NALF1: variants seen among roughly 807,000 people sequenced by gnomAD.
NALF1 encodes family with sequence similarity 155 member A.
NALF1 carries 3 observed loss-of-function variants against 48.4 expected under a neutral mutation model. That is an observed-to-expected ratio of 0.06 (90% confidence interval 0.03 to 0.16). NALF1 has a LOEUF of 0.16. Ranked by LOEUF, NALF1 falls within the 10% of genes least tolerant of loss-of-function variation. The pLI, the probability that NALF1 is intolerant of heterozygous loss-of-function variation, is 1.00. For synonymous variants in NALF1, 262 were observed against 245.7 expected (o/e 1.07, Z -0.62); for missense variants, 526 against 571.5 (o/e 0.92, Z 0.81).
chr13:107,285,148 A>G (rs890826191), intron 1 of NALF1, among the ~76,000 whole-genome samples: 2 of 152,222 alleles, frequency 1.3e-5, no homozygotes, highest in Admixed American at 1.3e-4. Context: ...ATGCTTATTT[A>G]TCATGCAATG....
intron 1 of NALF1, among the ~76,000 whole-genome samples, chr13:107,826,127 C>G (rs1306291130): frequency 6.6e-6 from 1 of 152,184 alleles, no homozygotes; most frequent in Non-Finnish European, 1.5e-5. Flanking sequence ...AGCTGATGGT[C>G]TTTTAAAGGG....
At chr13:107,736,920 G>A (rs1876484975) in intron 1 of NALF1, among the ~76,000 whole-genome samples, 1 of 152,130 alleles carries the variant, frequency 6.6e-6, no homozygotes, top group African/African-American at 2.4e-5. Context: ...GACTAACTTG[G>A]CAGGGGATTC....
chr13:107,643,139 A>G (rs1460930874), intron 1 of NALF1, among the ~76,000 whole-genome samples: 1 of 152,154 alleles, frequency 6.6e-6, no homozygotes, highest in Admixed American at 6.6e-5. Flanking sequence ...ATCCAGACAG[A>G]GTCCGCCATG....
At chr13:107,318,667 T>C (rs984771832) in intron 1 of NALF1, among the ~76,000 whole-genome samples, 1 of 152,108 alleles carries the variant, frequency 6.6e-6, no homozygotes, top group African/African-American at 2.4e-5. Flanking sequence ...ATTTTGAACA[T>C]TCACACCCTT....
intron 1 of NALF1, among the ~76,000 whole-genome samples, chr13:107,478,381 G>T (rs1885205408): frequency 6.7e-6 from 1 of 150,008 alleles, no homozygotes; most frequent in South Asian, 2.1e-4. Context: ...ATGTAATTTG[G>T]TTAGTTAACA....
chr13:107,219,170 A>T (rs1007256262), intron 1 of NALF1, among the ~76,000 whole-genome samples: 2 of 152,134 alleles, frequency 1.3e-5, no homozygotes, highest in Admixed American at 1.3e-4. Context: ...GATGGATATA[A>T]CTCAATAGCC....
chr13:107,307,698 T>C (rs917595479), intron 1 of NALF1, among the ~76,000 whole-genome samples: 1 of 147,814 alleles, frequency 6.8e-6, no homozygotes, highest in Non-Finnish European at 1.5e-5. Context: ...TAACAGAAAA[T>C]TGAACAAGGA....
intron 1 of NALF1, among the ~76,000 whole-genome samples, chr13:107,794,580 T>A (rs1338341538): frequency 1.3e-5 from 2 of 149,860 alleles, no homozygotes; most frequent in African/African-American, 2.5e-5. Context: ...AAAAAAAGAA[T>A]CCTATTAACA....
At chr13:107,385,552 C>CAAAAAAAAAAAAAAAAAAAAAAA (rs201307018) in intron 1 of NALF1, among the ~76,000 whole-genome samples, 2 of 118,292 alleles carry the variant, frequency 1.7e-5, no homozygotes, top group African/African-American at 6.7e-5. Flanking sequence ...GATTCCATCT[C>CAAAAAAAAAAAAAAAAAAAAAAA]AAAAAAAAAA....
At chr13:107,378,971 C>A (rs578038713) in intron 1 of NALF1, among the ~76,000 whole-genome samples, 103 of 152,214 alleles carry the variant, frequency 6.8e-4, no homozygotes, top group African/African-American at 2.4e-3. Flanking sequence ...TAATTAAGAT[C>A]TCATTAATTT....
intron 1 of NALF1, among the ~76,000 whole-genome samples, chr13:107,655,225 A>G (rs1880545934): frequency 6.6e-6 from 1 of 152,048 alleles, no homozygotes; most frequent in African/African-American, 2.4e-5. Context: ...CTTTGCTGAT[A>G]ATATCATTGT....
intron 1 of NALF1, among the ~76,000 whole-genome samples, chr13:107,325,879 T>TATATATAC (rs1555332562): frequency 0.016 from 1,712 of 105,932 alleles, 36 homozygotes; most frequent in Non-Finnish European, 0.027. Flanking sequence ...TATATATATA[T>TATATATAC]ATATATATAC....
intron 1 of NALF1, among the ~76,000 whole-genome samples, chr13:107,741,634 T>C (rs564236516): frequency 6.6e-6 from 1 of 152,166 alleles, no homozygotes; most frequent in Non-Finnish European, 1.5e-5. Context: ...CATTTAGAAA[T>C]TGGTATACTG....
intron 1 of NALF1, among the ~76,000 whole-genome samples, chr13:107,493,788 C>G (rs1305507181): frequency 6.6e-6 from 1 of 152,048 alleles, no homozygotes; most frequent in Non-Finnish European, 1.5e-5. Flanking sequence ...ACTCAGGAGG[C>G]CGAGGTGAGA....
At chr13:107,794,319 G>A (rs1358490804) in intron 1 of NALF1, among the ~76,000 whole-genome samples, 2 of 152,028 alleles carry the variant, frequency 1.3e-5, no homozygotes, top group Non-Finnish European at 2.9e-5. Context: ...TTTTCCTGTA[G>A]GCTTTTGACT....
chr13:107,429,849 A>G (rs1884345026), intron 1 of NALF1, among the ~76,000 whole-genome samples: 1 of 152,234 alleles, frequency 6.6e-6, no homozygotes, highest in Non-Finnish European at 1.5e-5. Flanking sequence ...ATACATGTAA[A>G]TACATGTTCA....
chr13:107,795,855 T>C (rs1327515783), intron 1 of NALF1, among the ~76,000 whole-genome samples: 1 of 152,176 alleles, frequency 6.6e-6, no homozygotes, highest in Non-Finnish European at 1.5e-5. Context: ...GTTATGCCAA[T>C]AGCAGTGAGG....
At chr13:107,443,581 A>G (rs1242597678) in intron 1 of NALF1, among the ~76,000 whole-genome samples, 1 of 152,184 alleles carries the variant, frequency 6.6e-6, no homozygotes, top group Non-Finnish European at 1.5e-5. Flanking sequence ...AATAAGTCCA[A>G]ATATACAGAA....
At chr13:107,646,684 C>G (rs1326398337) in intron 1 of NALF1, among the ~76,000 whole-genome samples, 1 of 152,044 alleles carries the variant, frequency 6.6e-6, no homozygotes, top group Admixed American at 6.6e-5. Flanking sequence ...CACTCTACAT[C>G]AATCAATTTG....
Sources: allele counts gnomAD v4.1 joint callset (sites outside exome capture counted in the v4.1 genomes callset), GRCh38; gene constraint gnomAD v4.1.1; transcripts MANE v1.5; gene names NCBI Gene and HGNC (gene_info 2026-07-23, HGNC 2026-07-21).